Variants in TTC7A observed in about 807,000 individuals in gnomAD.
TTC7A encodes tetratricopeptide repeat protein 7A.
TTC7A carries 110 observed loss-of-function variants against 103.7 expected under a neutral mutation model. The ratio of observed to expected loss-of-function variants is 1.06; its 90% CI spans 0.91 to 1.24. TTC7A has a LOEUF of 1.24. Ranked by LOEUF, TTC7A falls within the 50% of genes most tolerant of loss-of-function variation. The pLI is 0.00. For missense variants in TTC7A, 1,340 were observed against 1,116.3 expected, an observed-to-expected ratio of 1.20 and a Z score of -2.86; for synonymous variants, 521 against 467.9, an observed-to-expected ratio of 1.11 and a Z score of -1.47.
chr2:46,941,764 C>A lies in TTC7A; in HGVS notation c.184+39C>A, dbSNP rs1437848853. 1 of 1,546,504 alleles carries A rather than the reference C, an allele frequency of 6.5e-7. No homozygotes were observed. Among genetic ancestry groups the A allele is most frequent in the African/African-American group, 1.4e-5 (1 of 73,024 alleles). On this transcript the variant is annotated intron_variant, in intron 1 of 19. Transcript: ENST00000319190. The surrounding 1 kb of genome is among the most constrained non-coding windows in gnomAD (Gnocchi z 4.2). ...GAGGCTGGCTCGCCGGCAGCGAGCG[C>A]GCGAAACGCACCGCCTCCTCCAGGA...
chr2:46,992,837 C>T (rs986699983), intron 5 of TTC7A, among the ~76,000 whole-genome samples: 7 of 152,174 alleles, frequency 4.6e-5, no homozygotes, highest in African/African-American at 1.2e-4. Flanking sequence ...GGTATTTTGT[C>T]GAGAAACTTC....
At position 47,075,031 on chromosome 2, in the gene TTC7A, A is replaced by G. The variant is rs559148859; in HGVS notation, c.*1108A>G. On this transcript the variant is annotated 3_prime_UTR_variant, in exon 20 of 20. Coordinates refer to ENST00000319190, the MANE Select transcript of TTC7A (RefSeq NM_020458.4). ...CTTTGGGTTTTAGTTTCAAAGCTCC[A>G]TCAGGTACAGCTTGCATTTCAGGAT... 6.6e-6 allele frequency: 1 copy of G among 152,376 alleles called. No individual in the cohort carries two copies. The highest frequency in any genetic ancestry group is 2.1e-4 in the South Asian group (1 of 4,832). The allele number at this position is 152,376 out of a possible 1,614,324, so 9.4% of individuals were successfully genotyped here. A position where few individuals can be genotyped will look rare whatever the true frequency, so the allele number is the denominator to read the frequency against.
chr2:46,948,114 A>G (rs539118071), intron 1 of TTC7A, among the ~76,000 whole-genome samples: 68 of 152,346 alleles, frequency 4.5e-4, no homozygotes, highest in African/African-American at 1.6e-3. Flanking sequence ...ATCTGGTGGC[A>G]CGGTGGCCCA....
At chr2:46,961,899 A>T (rs1329308012) in intron 3 of TTC7A, among the ~76,000 whole-genome samples, 1 of 151,990 alleles carries the variant, frequency 6.6e-6, no homozygotes, top group Non-Finnish European at 1.5e-5. Context: ...ACAGAACAAG[A>T]CTCCGTCTCA....
At chr2:47,058,253 G>C (rs1343202093) in intron 18 of TTC7A, among the ~76,000 whole-genome samples, 3 of 152,226 alleles carry the variant, frequency 2.0e-5, no homozygotes, top group South Asian at 2.1e-4. Flanking sequence ...TGGCTTCTCT[G>C]TGTTTAATTC....
intron 14 of TTC7A, among the ~76,000 whole-genome samples, chr2:47,027,710 C>T (rs1680067194): frequency 1.3e-5 from 2 of 152,130 alleles, no homozygotes; most frequent in African/African-American, 4.8e-5. Flanking sequence ...TGGGGGCTGC[C>T]TCAGGCAGGG....
At chr2:46,961,025 C>T (rs547475173) in intron 3 of TTC7A, among the ~76,000 whole-genome samples, 4 of 152,202 alleles carry the variant, frequency 2.6e-5, no homozygotes, top group Admixed American at 2.6e-4. Flanking sequence ...ATATTTCAAC[C>T]TAACATCCAT....
intron 10 of TTC7A, 73 bp from the exon 11 acceptor site, chr2:47,011,258 A>G: frequency 7.2e-7 from 1 of 1,397,138 alleles, no homozygotes. Context: ...GTTGTTTGGG[A>G]AGCTCGCCCC....
chr2:46,988,461 A>C (rs1675276657), intron 5 of TTC7A, among the ~76,000 whole-genome samples: 1 of 152,232 alleles, frequency 6.6e-6, no homozygotes, highest in African/African-American at 2.4e-5. Context: ...GTAACCTTTC[A>C]TACACAGTTA....
intron 16 of TTC7A, among the ~76,000 whole-genome samples, chr2:47,048,521 G>A (rs1417827465): frequency 1.3e-5 from 2 of 152,224 alleles, no homozygotes; most frequent in Non-Finnish European, 2.9e-5. Context: ...ACTTAGAAAG[G>A]TCAAGTAGCA....
chr2:46,969,004 A>G (rs942273626), intron 3 of TTC7A, among the ~76,000 whole-genome samples: 6 of 151,092 alleles, frequency 4.0e-5, no homozygotes, highest in Admixed American at 1.3e-4. Context: ...TCTGGGCTCA[A>G]TTGATCCCCT....
intron 19 of TTC7A, among the ~76,000 whole-genome samples, chr2:47,063,272 C>A (rs563833609): frequency 6.6e-6 from 1 of 152,158 alleles, no homozygotes; most frequent in Non-Finnish European, 1.5e-5. Flanking sequence ...TAGTGTTGTT[C>A]TAATCAAATG....
intron 15 of TTC7A, among the ~76,000 whole-genome samples, chr2:47,029,757 A>G (rs1680318377): frequency 6.6e-6 from 1 of 152,232 alleles, no homozygotes; most frequent in African/African-American, 2.4e-5. Flanking sequence ...GCCCTGACAC[A>G]GTCAGCCAAG....
intron 14 of TTC7A, 76 bp downstream of exon 14, chr2:47,024,435 G>C: frequency 7.4e-7 from 1 of 1,353,190 alleles, no homozygotes; most frequent in Non-Finnish European, 1.0e-6. Flanking sequence ...CTTACCAGCT[G>C]TGTGACCCTC....
intron 14 of TTC7A, among the ~76,000 whole-genome samples, chr2:47,026,687 T>C (rs1030558127): frequency 1.9e-4 from 29 of 152,224 alleles, no homozygotes; most frequent in African/African-American, 6.8e-4. Context: ...CTTAGTTTTC[T>C]GGCTTTGGGG....
chr2:46,943,128 A>G (rs1450333373), intron 1 of TTC7A, among the ~76,000 whole-genome samples: 1 of 152,124 alleles, frequency 6.6e-6, no homozygotes, highest in Non-Finnish European at 1.5e-5. Flanking sequence ...CTGATCTCCA[A>G]CTAGGCTGAA....
At chr2:47,070,380 T>A (rs536616174) in intron 19 of TTC7A, among the ~76,000 whole-genome samples, 9 of 152,352 alleles carry the variant, frequency 5.9e-5, no homozygotes, top group Middle Eastern at 3.4e-3. Context: ...GTGGGCAGCA[T>A]CCCTGATCGG....
chr2:46,962,548 G>A (rs1026798817), intron 3 of TTC7A, among the ~76,000 whole-genome samples: 1 of 152,244 alleles, frequency 6.6e-6, no homozygotes, highest in African/African-American at 2.4e-5. Flanking sequence ...AGTGGCAGGT[G>A]GGTGAGCAAA....
intron 8 of TTC7A, chr2:46,999,304 T>G (rs1182131164): frequency 2.5e-5 from 4 of 161,244 alleles, no homozygotes; most frequent in Non-Finnish European, 5.2e-5. Context: ...CACCCTTTCC[T>G]CCATCCATCT....
Sources: gnomAD v4.1 joint callset for allele counts (sites outside exome capture counted in the v4.1 genomes callset) on GRCh38, gnomAD v4.1.1 for gene constraint, Gnocchi (gnomAD v3.1) non-coding constraint, MANE v1.5 for transcripts, NCBI Gene and HGNC (gene_info 2026-07-23, HGNC 2026-07-21) for gene names.